RSPH14: variants seen among roughly 807,000 people sequenced by gnomAD.
RSPH14 encodes the protein rhabdoid tumor deletion region gene 1.
RSPH14 carries 20 observed loss-of-function variants against 26.7 expected under a neutral mutation model. The observed-to-expected ratio is 0.75, with a 90% confidence interval of 0.53 to 1.09. The LOEUF (loss-of-function observed/expected upper bound fraction) is 1.09. Ranked by LOEUF, RSPH14 falls within the 50% of genes least tolerant of loss-of-function variation. The probability of loss-of-function intolerance (pLI) is 0.00; values close to 1 mark genes in which losing one functional copy is unlikely to be tolerated. For synonymous variants in RSPH14, 177 were observed against 189.3 expected (o/e 0.93, Z 0.53); for missense variants, 449 against 457.2 (o/e 0.98, Z 0.16).
chr22:23,073,059 G>C (rs1468120800), intron 4 of RSPH14, among the ~76,000 whole-genome samples: 1 of 152,248 alleles, frequency 6.6e-6, no homozygotes, highest in East Asian at 1.9e-4. Flanking sequence ...CATGTGTGCG[G>C]CTTCCTCCCC....
chr22:23,153,969 G>A, the RSPH14 span, among the ~76,000 whole-genome samples: 24 of 152,096 alleles, frequency 1.6e-4, no homozygotes, highest in Non-Finnish European at 3.1e-4. Context: ...GATTACAGGT[G>A]TGAGCCACCG....
intron 3 of RSPH14, among the ~76,000 whole-genome samples, chr22:23,138,563 A>G (rs1336990369): frequency 1.3e-5 from 2 of 152,154 alleles, no homozygotes; most frequent in Non-Finnish European, 2.9e-5. Flanking sequence ...GACTGTCTCA[A>G]AAAAGAAAGA....
intron 4 of RSPH14, among the ~76,000 whole-genome samples, chr22:23,065,192 G>A (rs2068180362): frequency 6.6e-6 from 1 of 152,268 alleles, no homozygotes; most frequent in African/African-American, 2.4e-5. Flanking sequence ...TTAGTACCAG[G>A]GATTTCCTCT....
At chr22:23,152,969 A>C in the RSPH14 span, 2 of 1,176,120 alleles carry the variant, frequency 1.7e-6, no homozygotes, top group South Asian at 1.2e-5. Context: ...GCAGTGTTAC[A>C]AGTGAAGCTT....
intron 4 of RSPH14, chr22:23,095,775 G>A: frequency 1.2e-6 from 2 of 1,613,146 alleles, no homozygotes; most frequent in Non-Finnish European, 1.7e-6. Context: ...CGCTCAGAGA[G>A]CCAGCGGCAA....
chr22:23,130,119 GAAAGAA>G (rs2070304931), intron 4 of RSPH14, among the ~76,000 whole-genome samples: 1 of 105,574 alleles, frequency 9.5e-6, no homozygotes. Context: ...AAGAAAGAAA[GAAAGAA>G]AGAAAGAAAG....
intron 4 of RSPH14, among the ~76,000 whole-genome samples, chr22:23,084,981 A>G (rs912749881): frequency 7.9e-5 from 12 of 152,152 alleles, no homozygotes; most frequent in Admixed American, 7.9e-4. Context: ...AGGAGGCCAT[A>G]CCAACCCCCA....
At chr22:23,160,634 A>G in the RSPH14 span, among the ~76,000 whole-genome samples, 1 of 152,162 alleles carries the variant, frequency 6.6e-6, no homozygotes, top group Admixed American at 6.5e-5. Flanking sequence ...CCAAGCAGGC[A>G]GTGGGGTGGG....
chr22:23,180,060 G>A, the RSPH14 span: 5 of 348,084 alleles, frequency 1.4e-5, no homozygotes, highest in African/African-American at 8.7e-5. Flanking sequence ...GGGCAGAGGG[G>A]GGAGGTTGCT....
At chr22:23,158,525 C>T in the RSPH14 span, among the ~76,000 whole-genome samples, 1 of 152,210 alleles carries the variant, frequency 6.6e-6, no homozygotes, top group Non-Finnish European at 1.5e-5. Flanking sequence ...AGAGCAAAGC[C>T]CTCTCACCTT....
chr22:23,087,875 G>A (rs768199298), intron 4 of RSPH14, among the ~76,000 whole-genome samples: 58 of 152,220 alleles, frequency 3.8e-4, no homozygotes, highest in Non-Finnish European at 6.6e-4. Context: ...GAGCAGTTTA[G>A]GGAGGGTCAG....
At position 23,061,908 on chromosome 22, in the gene RSPH14, C is replaced by A. The variant is rs756623949; in HGVS notation, c.691G>T (p.Asp231Tyr). ...REGKKQVCHF[D>Y]VIPILVHLLK... Reference sequence around the variant, plus strand: ...AGATGGACCAGGATGGGGATGACGTCAAAATGACACACCTGTTTCTTGCCC... The same window carrying A: ...AGATGGACCAGGATGGGGATGACGTAAAAATGACACACCTGTTTCTTGCCC... The change falls in exon 6 of 7, where the codon GAC becomes TAC. Residue 231 changes from aspartate (D) to tyrosine (Y), a missense_variant. By Grantham distance (160) the Asp-to-Tyr change is radical. Transcript: ENST00000216036. 1 of 1,614,094 alleles carries A rather than the reference C, an allele frequency of 6.2e-7. No individual in the cohort carries two copies. The highest frequency in any genetic ancestry group is 2.2e-5 in the East Asian group (1 of 44,880).
intron 4 of RSPH14, among the ~76,000 whole-genome samples, chr22:23,066,671 T>C (rs2068218480): frequency 6.6e-6 from 1 of 152,060 alleles, no homozygotes; most frequent in Non-Finnish European, 1.5e-5. Context: ...GATGGCTTGC[T>C]CAAGTGGGGG....
chr22:23,061,689 T>C (rs538923566), intron 6 of RSPH14, 120 bp downstream of exon 6: 8 of 1,330,972 alleles, frequency 6.0e-6, no homozygotes, highest in Non-Finnish European at 5.0e-6. Context: ...GGGGAGGTTT[T>C]TTTTTTTTTT....
intron 4 of RSPH14, among the ~76,000 whole-genome samples, chr22:23,109,872 C>T (rs1436213998): frequency 1.3e-5 from 2 of 152,180 alleles, no homozygotes; most frequent in Non-Finnish European, 2.9e-5. Context: ...AGGTACCAGC[C>T]CCCCACCTCT....
chr22:23,103,888 A>C (rs1255109749), intron 4 of RSPH14, among the ~76,000 whole-genome samples: 1 of 152,222 alleles, frequency 6.6e-6, no homozygotes, highest in Non-Finnish European at 1.5e-5. Context: ...CCCAGTGCCT[A>C]CAAATGCTGG....
intron 4 of RSPH14, among the ~76,000 whole-genome samples, chr22:23,091,458 A>C (rs2068972775): frequency 6.6e-6 from 1 of 151,870 alleles, no homozygotes; most frequent in South Asian, 2.1e-4. Context: ...GGTCCTATGC[A>C]TACACACACA....
chr22:23,140,125 G>T, intron 2 of RSPH14, 97 bp downstream of exon 2: 1 of 1,498,460 alleles, frequency 6.7e-7, no homozygotes, highest in Non-Finnish European at 9.1e-7. Flanking sequence ...CTGGAGTCAG[G>T]CTCAAACAAT....
chr22:23,180,413 CCG>C, the RSPH14 span: 2 of 170,614 alleles, frequency 1.2e-5, no homozygotes, highest in South Asian at 1.8e-4. Flanking sequence ...GGGGGCCCCC[CCG>C]CCCTGTGCCC....
Sources: allele counts gnomAD v4.1 joint callset (sites outside exome capture counted in the v4.1 genomes callset), GRCh38; gene constraint gnomAD v4.1.1; transcripts MANE v1.5; gene names NCBI Gene and HGNC (gene_info 2026-07-23, HGNC 2026-07-21).